The following SRP9 variants were observed in gnomAD, a reference collection of about 807,000 sequenced individuals.
SRP9 encodes signal recognition particle 9.
In SRP9, 2 loss-of-function variants were observed where a neutral mutation model predicts 11.7. That is an observed-to-expected ratio of 0.17 (90% CI 0.07 to 0.54). The LOEUF (loss-of-function observed/expected upper bound fraction) is 0.54. SRP9 is among the 20% of genes least tolerant of loss of function. The probability of loss-of-function intolerance (pLI) is 0.94; values close to 1 mark genes in which losing one functional copy is unlikely to be tolerated. For synonymous variants in SRP9, 27 were observed against 35.6 expected (o/e 0.76, Z 0.86); for missense variants, 54 against 108.1 (o/e 0.50, Z 2.22).
intron 1 of SRP9, 29 bp downstream of exon 1, chr1:225,778,041 GGCCCCA>G: frequency 1.9e-6 from 3 of 1,613,530 alleles, no homozygotes; most frequent in Non-Finnish European, 2.5e-6. Flanking sequence ...CGCTGCTTTG[GGCCCCA>G]GCCCAGGATG....
In SRP9 at chr1:225,786,563, A is replaced by G. The variant is rs185744021; in HGVS notation, c.142-2677A>G. Among the ~76,000 whole-genome samples the G allele has an allele frequency of 3.9e-4, 59 of 152,326 alleles. No homozygotes were observed. In the East Asian group the frequency reaches 4.2e-3, roughly 11 times the overall value. On this transcript the variant is annotated intron_variant, in intron 2 of 2. Transcript: ENST00000304786. ...TGATTACCATGTCTTCTAAGAACCA[A>G]TTGAATGTAGTGAGTAGCTAAACAT... is the stretch of plus-strand genomic sequence containing the variant.
chr1:225,781,362 A>G (rs1210041714), intron 1 of SRP9, among the ~76,000 whole-genome samples: 1 of 141,538 alleles, frequency 7.1e-6, no homozygotes, highest in Non-Finnish European at 1.6e-5. Context: ...GGACCCTTTT[A>G]TAAACACGAT....
chr1:225,777,931 C>T lies in SRP9; in HGVS notation c.-10C>T, dbSNP rs1437185385. 2 of 1,613,342 alleles carry T rather than the reference C, an allele frequency of 1.2e-6. No individual in the cohort carries two copies. Among genetic ancestry groups the T allele is most frequent in the Non-Finnish European group, 1.7e-6 (2 of 1,179,444 alleles). Reference sequence around the variant, plus strand: ...CCTTGCTTCTCTTTACTTTTCCACTCTAGGCCACGATGCCGCAGTACCAGA... The same window carrying T: ...CCTTGCTTCTCTTTACTTTTCCACTTTAGGCCACGATGCCGCAGTACCAGA... On this transcript the variant is annotated 5_prime_UTR_variant, in exon 1 of 3. Transcript: ENST00000304786.
chr1:225,788,011 A>C (rs1665951527), intron 2 of SRP9, among the ~76,000 whole-genome samples: 1 of 152,220 alleles, frequency 6.6e-6, no homozygotes, highest in Non-Finnish European at 1.5e-5. Flanking sequence ...GTGAACCTTT[A>C]AGATGGGCTG....
intron 1 of SRP9, among the ~76,000 whole-genome samples, chr1:225,782,386 A>C (rs1319816667): frequency 6.6e-6 from 1 of 151,962 alleles, no homozygotes; most frequent in South Asian, 2.1e-4. Context: ...GGATGGTCTC[A>C]ATCTCCTGAC....
rs369886882 is a variant in SRP9, at chr1:225,787,693, A to G, written c.142-1547A>G. 2.0e-5 allele frequency among the ~76,000 whole-genome samples: 3 copies of G among 152,276 alleles called. No homozygotes were observed. In the South Asian group the frequency reaches 6.2e-4, roughly 32 times the overall value. The stretch of plus-strand genomic sequence containing the variant: ...ATCCCATGTATCCATCATTTTTCTA[A>G]TCCCATAATTGATTTAGAATACTGT... On this transcript the variant is annotated intron_variant, in intron 2 of 2. Transcript: ENST00000304786.
At chr1:225,778,112 T>C (rs1665720142) in intron 1 of SRP9, 100 bp downstream of exon 1, 4 of 1,336,570 alleles carry the variant, frequency 3.0e-6, no homozygotes, top group Non-Finnish European at 4.2e-6. Flanking sequence ...CAGGAGGTGC[T>C]GGGAATGAAC....
In SRP9 at chr1:225,789,392, A is replaced by C. The variant is rs1393379920; in HGVS notation, c.*33A>C. On this transcript the variant is annotated 3_prime_UTR_variant, in exon 3 of 3. Transcript: ENST00000304786. ...GAAATGAAGACTTTGTCGTGTACTT[A>C]GGAAGTAAATATCTTTTGAATTAGA... 2.0e-6 allele frequency: 3 copies of C among 1,507,292 alleles called. No homozygotes were observed. In the African/African-American group the frequency reaches 4.2e-5, roughly 21 times the overall value. The allele number at this position is 1,507,292 out of a possible 1,614,324, so 93.4% of individuals were successfully genotyped here. A position where few individuals can be genotyped will look rare whatever the true frequency, so the allele number is the denominator to read the frequency against.
Position 225,783,297 on chromosome 1 carries a change from C to T in SRP9, c.73-3C>T, listed in dbSNP as rs1417887613. On this transcript the variant is annotated splice_region_variant and splice_polypyrimidine_tract_variant and intron_variant, in intron 1 of 2. Transcript: ENST00000304786. The stretch of plus-strand genomic sequence containing the variant: ...TGTTTCTAAATATGTATTTTTGTTT[C>T]AGGCACGTGTGGTTCTCAAATATAG... 2 of 1,608,322 alleles carry T rather than the reference C, an allele frequency of 1.2e-6. No individual in the cohort carries two copies. The highest frequency in any genetic ancestry group is 1.1e-5 in the South Asian group (1 of 90,244).
At chr1:225,781,883 G>A (rs867560389) in intron 1 of SRP9, among the ~76,000 whole-genome samples, 3 of 152,096 alleles carry the variant, frequency 2.0e-5, no homozygotes, top group Non-Finnish European at 4.4e-5. Flanking sequence ...GTATTCTAAA[G>A]ATAATTAACC....
In SRP9 at chr1:225,777,859, G is replaced by C. The variant is rs1665712017; in HGVS notation, c.-82G>C. 2.9e-6 allele frequency: 4 copies of C among 1,379,002 alleles called. No individual in the cohort carries two copies. The allele number at this position is 1,379,002 out of a possible 1,614,324, so 85.4% of individuals were successfully genotyped here. A position where few individuals can be genotyped will look rare whatever the true frequency, so the allele number is the denominator to read the frequency against. On this transcript the variant is annotated 5_prime_UTR_variant, in exon 1 of 3. Transcript: ENST00000304786. ...CTTGGGGCTGCTGGGACTCGCGTCG[G>C]TTGGCGACTCCCGGACGTAGGTAGT...
chr1:225,785,720 T>C (rs1440354992), intron 2 of SRP9, among the ~76,000 whole-genome samples: 1 of 150,172 alleles, frequency 6.7e-6, no homozygotes, highest in Non-Finnish European at 1.5e-5. Flanking sequence ...TCTGGCTCTA[T>C]TACCCAGACT....
At chr1:225,788,117 C>CT (rs1247070531) in intron 2 of SRP9, among the ~76,000 whole-genome samples, 1 of 152,098 alleles carries the variant, frequency 6.6e-6, no homozygotes, top group Non-Finnish European at 1.5e-5. Flanking sequence ...TATGACCAAC[C>CT]ATAAGCAGAT....
At chr1:225,778,825 A>G (rs1247456667) in intron 1 of SRP9, among the ~76,000 whole-genome samples, 5 of 152,252 alleles carry the variant, frequency 3.3e-5, no homozygotes, top group Non-Finnish European at 7.3e-5. Flanking sequence ...TTTAGAACTC[A>G]GCATATTGAA....
intron 1 of SRP9, among the ~76,000 whole-genome samples, chr1:225,782,843 AGT>A (rs1665826635): frequency 6.6e-6 from 1 of 152,228 alleles, no homozygotes; most frequent in Admixed American, 6.5e-5. Context: ...AAAAATGGAA[AGT>A]GTGAGTTGCA....
chr1:225,784,861 C>T (rs535918664), intron 2 of SRP9, among the ~76,000 whole-genome samples: 1 of 151,916 alleles, frequency 6.6e-6, no homozygotes, highest in East Asian at 2.0e-4. Flanking sequence ...AACAAAAAAA[C>T]TAGCTGCTTC....
intron 2 of SRP9, among the ~76,000 whole-genome samples, chr1:225,785,679 C>CTTTTTTTTT: frequency 8.1e-6 from 1 of 123,078 alleles, no homozygotes; most frequent in Non-Finnish European, 1.7e-5. Flanking sequence ...TGTGCCTGGA[C>CTTTTTTTTT]TTTTTTTTTT....
At chr1:225,781,395 C>CTTTTTTTTTTTTTTTTTTTTT (rs11315558) in intron 1 of SRP9, among the ~76,000 whole-genome samples, 30 of 87,776 alleles carry the variant, frequency 3.4e-4, no homozygotes, top group Non-Finnish European at 4.1e-4. Context: ...TTTTCTTTTT[C>CTTTTTTTTTTTTTTTTTTTTT]TTTTTTTTTT....
At chr1:225,782,513 T>A (rs1665821142) in intron 1 of SRP9, among the ~76,000 whole-genome samples, 1 of 152,122 alleles carries the variant, frequency 6.6e-6, no homozygotes, top group Non-Finnish European at 1.5e-5. Context: ...TTACTGATAC[T>A]GGTTAGGGAA....
Sources: gnomAD v4.1 joint callset for allele counts (sites outside exome capture counted in the v4.1 genomes callset) on GRCh38, gnomAD v4.1.1 for gene constraint, MANE v1.5 for transcripts, NCBI Gene and HGNC (gene_info 2026-07-23, HGNC 2026-07-21) for gene names.